Variants in SLC44A5 observed in about 807,000 individuals in gnomAD.
SLC44A5 encodes solute carrier family 44 member 5.
A neutral mutation model predicts 101.8 loss-of-function variants in SLC44A5; 57 were observed. The observed-to-expected ratio is 0.56, with a 90% CI of 0.45 to 0.70. The LOEUF (loss-of-function observed/expected upper bound fraction) is 0.70. SLC44A5 is among the 30% of genes least tolerant of loss of function. The probability of loss-of-function intolerance (pLI) is 0.00; values close to 1 mark genes in which losing one functional copy is unlikely to be tolerated. For synonymous variants in SLC44A5, 281 were observed against 290.9 expected (o/e 0.97, Z 0.35); for missense variants, 737 against 853.1 (o/e 0.86, Z 1.70).
At chr1:75,709,766 GTTT>G in the SLC44A5 span, among the ~76,000 whole-genome samples, 1 of 152,072 alleles carries the variant, frequency 6.6e-6, no homozygotes, top group Non-Finnish European at 1.5e-5. Context: ...TCAAAAATCA[GTTT>G]TTAATTTTGT....
At chr1:75,484,310 T>C (rs1402009915) in intron 2 of SLC44A5, among the ~76,000 whole-genome samples, 1 of 152,214 alleles carries the variant, frequency 6.6e-6, no homozygotes, top group Non-Finnish European at 1.5e-5. Context: ...TGGGTAAATG[T>C]TTCCATTCCA....
intron 2 of SLC44A5, among the ~76,000 whole-genome samples, chr1:75,437,657 A>G (rs1323008868): frequency 6.6e-6 from 1 of 152,158 alleles, no homozygotes; most frequent in Non-Finnish European, 1.5e-5. Context: ...AGAAGGGCCT[A>G]TGGGGCATCA....
At chr1:75,699,635 A>G in the SLC44A5 span, among the ~76,000 whole-genome samples, 1 of 151,988 alleles carries the variant, frequency 6.6e-6, no homozygotes, top group African/African-American at 2.4e-5. Flanking sequence ...TCATAATGAC[A>G]GGACCAAATT....
intron 5 of SLC44A5, among the ~76,000 whole-genome samples, chr1:75,295,154 A>G (rs1653866795): frequency 1.3e-5 from 2 of 152,210 alleles, no homozygotes; most frequent in African/African-American, 4.8e-5. Flanking sequence ...CCTTAAATAT[A>G]TACTTTTTAA....
the SLC44A5 span, chr1:75,710,396 A>G: frequency 6.6e-6 from 1 of 151,710 alleles, no homozygotes; most frequent in African/African-American, 2.4e-5. Flanking sequence ...TCTCTACAAA[A>G]ACTTTAAAAA....
intron 1 of SLC44A5, among the ~76,000 whole-genome samples, chr1:75,562,967 G>T (rs1175031468): frequency 2.0e-5 from 3 of 151,940 alleles, no homozygotes; most frequent in Admixed American, 2.0e-4. Flanking sequence ...CAAAAGTTTT[G>T]GTCTGCTTGA....
rs571842374 is a variant in SLC44A5, at chr1:75,498,154, C to T, written c.13+43281G>A. Among the ~76,000 whole-genome samples, 30 of 152,258 alleles carry T rather than the reference C, an allele frequency of 2.0e-4. 2 individuals carry two copies. In the South Asian group the frequency reaches 4.6e-3, roughly 23 times the overall value. ...TATACAATAAGACTTCTATTTCTGA[C>T]AGTATATTACACTAAATAACCTGAA... On this transcript the variant is annotated intron_variant, in intron 2 of 23. Transcript: ENST00000370859.
At chr1:75,573,930 A>C (rs777416430) in intron 1 of SLC44A5, among the ~76,000 whole-genome samples, 2 of 152,238 alleles carry the variant, frequency 1.3e-5, no homozygotes, top group African/African-American at 2.4e-5. Context: ...TATTTATGGC[A>C]AAGATAATTA....
chr1:75,650,121 G>A, the SLC44A5 span, among the ~76,000 whole-genome samples: 2 of 151,930 alleles, frequency 1.3e-5, no homozygotes, highest in African/African-American at 2.4e-5. Context: ...TGGATATAAT[G>A]CATAGTGGTG....
At chr1:75,708,413 CAAAAAAAAAA>C in the SLC44A5 span, among the ~76,000 whole-genome samples, 4 of 39,064 alleles carry the variant, frequency 1.0e-4, no homozygotes, top group African/African-American at 4.4e-4. Flanking sequence ...GACTCCGTCT[CAAAAAAAAAA>C]AAAAAAAAAA....
chr1:75,664,808 C>A, the SLC44A5 span, among the ~76,000 whole-genome samples: 39,041 of 151,356 alleles, frequency 0.26, 5,369 homozygotes, highest in Middle Eastern at 0.36. Context: ...GTAGTCCCAG[C>A]TACTCAGGAG....
Position 75,484,650 on chromosome 1 carries a change from T to C in SLC44A5, c.13+56785A>G, listed in dbSNP as rs142523708. On this transcript the variant is annotated intron_variant, in intron 2 of 23. Transcript: ENST00000370859. ...CTTCTTACAGCTCCCCTAGGCAACA[T>C]TGCCCTCTGCATTGCCCTCCCCTCT... is the stretch of plus-strand genomic sequence containing the variant. Among the ~76,000 whole-genome samples the C allele has an allele frequency of 7.2e-5, 11 of 152,242 alleles. No individual in the cohort carries two copies. In the South Asian group the frequency reaches 1.2e-3, roughly 17 times the overall value.
intron 3 of SLC44A5, among the ~76,000 whole-genome samples, chr1:75,368,454 G>A (rs1660004784): frequency 1.3e-5 from 2 of 152,176 alleles, no homozygotes; most frequent in Admixed American, 1.3e-4. Flanking sequence ...TGCAGGTGCA[G>A]AACCCGTAAA....
At chr1:75,363,431 T>C (rs1346729649) in intron 3 of SLC44A5, among the ~76,000 whole-genome samples, 1 of 152,084 alleles carries the variant, frequency 6.6e-6, no homozygotes, top group African/African-American at 2.4e-5. Flanking sequence ...TTGAATCTTT[T>C]CTTTCTGTTT....
intron 4 of SLC44A5, among the ~76,000 whole-genome samples, chr1:75,327,718 A>G (rs1189925125): frequency 6.6e-6 from 1 of 152,200 alleles, no homozygotes; most frequent in Non-Finnish European, 1.5e-5. Context: ...TAAATTAAAT[A>G]CCAATACCCA....
At chr1:75,218,814 C>T in intron 16 of SLC44A5, 62 bp from the exon 17 acceptor site, 1 of 1,460,100 alleles carries the variant, frequency 6.8e-7, no homozygotes. Context: ...ATAACAACTC[C>T]CTGTGTTTTC....
At chr1:75,387,149 T>G (rs56368215) in intron 3 of SLC44A5, among the ~76,000 whole-genome samples, 29,473 of 151,530 alleles carry the variant, frequency 0.19, 3,069 homozygotes, top group Non-Finnish European at 0.24. Context: ...CATAGGCTTG[T>G]GCAAGGACTT....
chr1:75,503,855 G>A (rs1570466942), intron 2 of SLC44A5, among the ~76,000 whole-genome samples: 2 of 152,138 alleles, frequency 1.3e-5, no homozygotes, highest in Non-Finnish European at 2.9e-5. Flanking sequence ...GTGAAAGCTG[G>A]AAAACCAGGT....
intron 5 of SLC44A5, among the ~76,000 whole-genome samples, chr1:75,291,346 T>C (rs1196515291): frequency 6.6e-6 from 1 of 152,238 alleles, no homozygotes; most frequent in Non-Finnish European, 1.5e-5. Flanking sequence ...TCTACAAATA[T>C]TGTTTAAAGT....
Sources: gnomAD v4.1 joint callset for allele counts (sites outside exome capture counted in the v4.1 genomes callset) on GRCh38, gnomAD v4.1.1 for gene constraint, MANE v1.5 for transcripts, NCBI Gene and HGNC (gene_info 2026-07-23, HGNC 2026-07-21) for gene names.